Variants in SUGCT observed in about 807,000 individuals in gnomAD.
SUGCT encodes the protein succinyl-CoA:glutarate CoA-transferase.
SUGCT carries 41 observed loss-of-function variants against 55.0 expected under a neutral mutation model. That is an observed-to-expected ratio of 0.74 (90% CI 0.58 to 0.97). SUGCT has a LOEUF of 0.97. Among genes scored for constraint, SUGCT ranks in the 50% least tolerant of loss-of-function variants. SUGCT has a pLI of 0.00. For synonymous variants in SUGCT, 187 were observed against 200.4 expected, an observed-to-expected ratio of 0.93 and a Z score of 0.56; for missense variants, 568 against 547.8, an observed-to-expected ratio of 1.04 and a Z score of -0.37.
chr7:40,227,127 A>G (rs902723076), intron 6 of SUGCT, among the ~76,000 whole-genome samples: 3 of 146,240 alleles, frequency 2.1e-5, no homozygotes, highest in African/African-American at 5.0e-5. Flanking sequence ...GCTCACTGCA[A>G]CCATCACCTC....
Position 40,216,455 on chromosome 7 carries a change from G to A in SUGCT, c.485-21180G>A, listed in dbSNP as rs992446424. On this transcript the variant is annotated intron_variant, in intron 6 of 13. Transcript: ENST00000335693. ...GAGGAGGTTGTAGTGAGCCAAGATC[G>A]TGCCACTACATTCCGGCCTGGGCGA... Among the ~76,000 whole-genome samples the A allele has an allele frequency of 9.8e-4, 143 of 146,472 alleles. 2 individuals are homozygous for A. Among genetic ancestry groups the A allele is most frequent in the African/African-American group, 3.4e-3 (131 of 38,954 alleles).
chr7:40,268,768 A>T (rs1310769334), intron 7 of SUGCT, among the ~76,000 whole-genome samples: 3 of 151,704 alleles, frequency 2.0e-5, no homozygotes, highest in African/African-American at 7.3e-5. Flanking sequence ...ACTCCTGAGT[A>T]GTTGGGATTA....
chr7:40,867,353 T>C, the SUGCT span, among the ~76,000 whole-genome samples: 9 of 151,418 alleles, frequency 5.9e-5, no homozygotes, highest in Non-Finnish European at 1.2e-4. Flanking sequence ...GCTCTCCATA[T>C]ATATGGGGAG....
chr7:40,343,600 C>T (rs1302547266), intron 9 of SUGCT, among the ~76,000 whole-genome samples: 1 of 151,992 alleles, frequency 6.6e-6, no homozygotes. Flanking sequence ...TTTCTCACTC[C>T]TCTACCCCTT....
At chr7:40,692,902 T>C (rs1292267920) in intron 12 of SUGCT, among the ~76,000 whole-genome samples, 1 of 152,176 alleles carries the variant, frequency 6.6e-6, no homozygotes, top group Admixed American at 6.6e-5. Context: ...CTTTGAGATA[T>C]TCATGCTTTG....
chr7:40,961,104 T>C, the SUGCT span, among the ~76,000 whole-genome samples: 1 of 152,242 alleles, frequency 6.6e-6, no homozygotes, highest in Non-Finnish European at 1.5e-5. Flanking sequence ...CTCATGTGAC[T>C]CCTCCTCCAC....
chr7:40,727,306 C>G (rs780498452), intron 12 of SUGCT, among the ~76,000 whole-genome samples: 1 of 152,162 alleles, frequency 6.6e-6, no homozygotes, highest in Non-Finnish European at 1.5e-5. Flanking sequence ...ATTTCTAAGT[C>G]GCAGTTGTTG....
intron 13 of SUGCT, among the ~76,000 whole-genome samples, chr7:40,852,092 T>G (rs1793880940): frequency 6.6e-6 from 1 of 152,236 alleles, no homozygotes; most frequent in Non-Finnish European, 1.5e-5. Context: ...CATCTCTCTT[T>G]GGATATTTCA....
the SUGCT span, among the ~76,000 whole-genome samples, chr7:41,013,000 G>C: frequency 2.3e-3 from 323 of 143,108 alleles, 6 homozygotes; most frequent in Admixed American, 0.017. Flanking sequence ...TAATCCAAGT[G>C]AGGAAACTCT....
At chr7:41,004,624 A>G in the SUGCT span, among the ~76,000 whole-genome samples, 1 of 152,242 alleles carries the variant, frequency 6.6e-6, no homozygotes, top group Non-Finnish European at 1.5e-5. Flanking sequence ...CAAGATGCCC[A>G]CTGGGCAGGC....
intron 12 of SUGCT, among the ~76,000 whole-genome samples, chr7:40,590,783 G>T (rs1797673277): frequency 6.6e-6 from 1 of 152,086 alleles, no homozygotes; most frequent in South Asian, 2.1e-4. Flanking sequence ...GGGCCCTTAG[G>T]AATTATGTCA....
the SUGCT span, among the ~76,000 whole-genome samples, chr7:40,902,628 A>G: frequency 2.0e-5 from 3 of 151,880 alleles, no homozygotes; most frequent in Non-Finnish European, 4.4e-5. Context: ...AGAATTAATG[A>G]GAGCAGCCTA....
the SUGCT span, among the ~76,000 whole-genome samples, chr7:40,949,708 G>C: frequency 6.6e-6 from 1 of 152,166 alleles, no homozygotes; most frequent in Non-Finnish European, 1.5e-5. Context: ...TTATTAAATA[G>C]GGAATCCTTT....
chr7:41,023,520 G>T, the SUGCT span, among the ~76,000 whole-genome samples: 1 of 152,042 alleles, frequency 6.6e-6, no homozygotes, highest in Non-Finnish European at 1.5e-5. Flanking sequence ...GGAACAATTT[G>T]TCAGCAAGAT....
At chr7:40,833,689 T>C (rs1394609716) in intron 13 of SUGCT, among the ~76,000 whole-genome samples, 3 of 152,210 alleles carry the variant, frequency 2.0e-5, no homozygotes, top group Non-Finnish European at 4.4e-5. Flanking sequence ...GATCAGGTGC[T>C]GCAAATTTTC....
At chr7:40,569,519 G>C (rs1796327476) in intron 12 of SUGCT, among the ~76,000 whole-genome samples, 2 of 152,054 alleles carry the variant, frequency 1.3e-5, no homozygotes, top group South Asian at 4.1e-4. Context: ...ACAAAATCTT[G>C]GTAGCTCTTA....
At chr7:40,407,829 C>A (rs151303337) in intron 9 of SUGCT, among the ~76,000 whole-genome samples, 1 of 152,158 alleles carries the variant, frequency 6.6e-6, no homozygotes, top group Non-Finnish European at 1.5e-5. Context: ...AGGACATATT[C>A]TCTGAAATAA....
rs1202913032 is a variant in SUGCT, at chr7:40,362,898, G to T, written c.816+46043G>T. On this transcript the variant is annotated intron_variant, in intron 9 of 13. Transcript: ENST00000335693. Reference sequence around the variant, plus strand: ...AGTGCAATTTTGTCTTATAGTATATGAAATAGATCTAATTTTAAAAATCAG... The same window carrying T: ...AGTGCAATTTTGTCTTATAGTATATTAAATAGATCTAATTTTAAAAATCAG... Among the ~76,000 whole-genome samples, 4 of 152,062 alleles carry T rather than the reference G, an allele frequency of 2.6e-5. 1 individual carries two copies. The highest frequency in any genetic ancestry group is 4.1e-4 in the South Asian group (2 of 4,824).
chr7:40,541,744 A>C (rs749559057), intron 12 of SUGCT, among the ~76,000 whole-genome samples: 1 of 152,230 alleles, frequency 6.6e-6, no homozygotes, highest in African/African-American at 2.4e-5. Flanking sequence ...AAGGAATGTA[A>C]ATATAACAGA....
Sources: allele counts gnomAD v4.1 joint callset (sites outside exome capture counted in the v4.1 genomes callset), GRCh38; gene constraint gnomAD v4.1.1; transcripts MANE v1.5; gene names NCBI Gene and HGNC (gene_info 2026-07-23, HGNC 2026-07-21).